The following NPAS3 variants were observed in gnomAD, a reference collection of about 807,000 sequenced individuals.
The protein encoded by NPAS3 is neuronal PAS domain protein 3.
In NPAS3, 14 loss-of-function variants were observed where a neutral mutation model predicts 73.1. The ratio of observed to expected loss-of-function variants is 0.19; its 90% CI spans 0.13 to 0.30. The LOEUF (loss-of-function observed/expected upper bound fraction) is 0.30, where lower values mean the gene tolerates loss of function less well. Ranked by LOEUF, NPAS3 falls within the 10% of genes least tolerant of loss-of-function variation. The pLI is 1.00. For missense variants in NPAS3, 1,096 were observed against 1,250.0 expected (o/e 0.88, Z 1.86); for synonymous variants, 620 against 541.5 (o/e 1.14, Z -2.01).
At chr14:33,592,828 C>T (rs1413408062) in intron 5 of NPAS3, among the ~76,000 whole-genome samples, 1 of 152,118 alleles carries the variant, frequency 6.6e-6, no homozygotes, top group African/African-American at 2.4e-5. Flanking sequence ...CTGTCTCAAA[C>T]CTCCGTGTTT....
chr14:33,430,484 G>A (rs974554444), intron 4 of NPAS3, among the ~76,000 whole-genome samples: 3 of 152,118 alleles, frequency 2.0e-5, no homozygotes, highest in African/African-American at 7.2e-5. Flanking sequence ...CAGAGTACAT[G>A]TTATGGCTCG....
At chr14:33,211,086 A>G (rs2047016647) in intron 2 of NPAS3, among the ~76,000 whole-genome samples, 1 of 152,202 alleles carries the variant, frequency 6.6e-6, no homozygotes, top group Non-Finnish European at 1.5e-5. Context: ...GTCAGGCACC[A>G]TTGTAAAGAT....
chr14:33,580,538 G>C (rs2056622364), intron 5 of NPAS3, among the ~76,000 whole-genome samples: 1 of 152,132 alleles, frequency 6.6e-6, no homozygotes, highest in East Asian at 1.9e-4. Flanking sequence ...TACCCAGCCT[G>C]CAGAGGCAGA....
intron 4 of NPAS3, among the ~76,000 whole-genome samples, chr14:33,473,092 AAG>A (rs2050860639): frequency 1.3e-5 from 2 of 152,140 alleles, no homozygotes; most frequent in African/African-American, 4.8e-5. Flanking sequence ...CGCAGAGTAA[AAG>A]AGAGATTTTG....
At chr14:33,709,298 A>T (rs1377965370) in intron 6 of NPAS3, among the ~76,000 whole-genome samples, 1 of 152,214 alleles carries the variant, frequency 6.6e-6, no homozygotes, top group African/African-American at 2.4e-5. Context: ...AGCTTCTTAT[A>T]AATTTTAGCT....
chr14:33,457,167 C>T (rs1007165559), intron 4 of NPAS3, among the ~76,000 whole-genome samples: 1 of 152,214 alleles, frequency 6.6e-6, no homozygotes, highest in African/African-American at 2.4e-5. Flanking sequence ...CCAGTTGTGT[C>T]ATTCTCTCTC....
chr14:33,413,062 A>C (rs1266974194), intron 4 of NPAS3, among the ~76,000 whole-genome samples: 1 of 152,186 alleles, frequency 6.6e-6, no homozygotes, highest in Non-Finnish European at 1.5e-5. Context: ...TACCAGTATG[A>C]AAGCTTGCCA....
At chr14:33,123,132 T>C (rs2043293951) in intron 2 of NPAS3, among the ~76,000 whole-genome samples, 1 of 152,080 alleles carries the variant, frequency 6.6e-6, no homozygotes, top group African/African-American at 2.4e-5. Flanking sequence ...AATTAAATAA[T>C]AGTATTTTAT....
At chr14:32,982,488 T>C (rs1399250620) in intron 1 of NPAS3, among the ~76,000 whole-genome samples, 1 of 152,086 alleles carries the variant, frequency 6.6e-6, no homozygotes, top group Non-Finnish European at 1.5e-5. Context: ...GGCAGGAGGA[T>C]TGCTTGAGCC....
intron 4 of NPAS3, among the ~76,000 whole-genome samples, chr14:33,539,837 G>A (rs1490140246): frequency 1.3e-5 from 2 of 151,860 alleles, no homozygotes; most frequent in African/African-American, 4.8e-5. Flanking sequence ...CTGTTTGGGG[G>A]GTTTGTCTTT....
chr14:33,079,019 C>A (rs2041768626), intron 2 of NPAS3, among the ~76,000 whole-genome samples: 1 of 152,170 alleles, frequency 6.6e-6, no homozygotes, highest in Admixed American at 6.5e-5. Flanking sequence ...TGCTGTTTTG[C>A]TGGTAATAGT....
At chr14:33,224,749 C>A (rs887705414) in intron 3 of NPAS3, among the ~76,000 whole-genome samples, 2 of 152,060 alleles carry the variant, frequency 1.3e-5, no homozygotes, top group Non-Finnish European at 2.9e-5. Context: ...TCATGTTAGA[C>A]CCTGGCCCAT....
chr14:33,670,112 T>G (rs1410531779), intron 5 of NPAS3, among the ~76,000 whole-genome samples: 1 of 152,160 alleles, frequency 6.6e-6, no homozygotes, highest in African/African-American at 2.4e-5. Context: ...TAGAAAAATG[T>G]ACGTACAACA....
intron 3 of NPAS3, among the ~76,000 whole-genome samples, chr14:33,220,570 G>A (rs1398862700): frequency 6.6e-6 from 1 of 152,030 alleles, no homozygotes; most frequent in Non-Finnish European, 1.5e-5. Context: ...TTATATCACC[G>A]CATTTCCCAA....
intron 5 of NPAS3, among the ~76,000 whole-genome samples, chr14:33,633,378 C>T (rs948862374): frequency 1.3e-5 from 2 of 152,120 alleles, no homozygotes; most frequent in Non-Finnish European, 2.9e-5. Context: ...CCAGGATCAT[C>T]CATAGAGAAA....
chr14:33,298,755 A>G (rs4982068), intron 3 of NPAS3, among the ~76,000 whole-genome samples: 63,419 of 151,948 alleles, frequency 0.42, 13,533 homozygotes, highest in African/African-American at 0.51. Context: ...GATATTTGAC[A>G]TTCTTTTCCA....
intron 3 of NPAS3, among the ~76,000 whole-genome samples, chr14:33,297,820 C>G (rs756219783): frequency 6.6e-6 from 1 of 152,148 alleles, no homozygotes; most frequent in Non-Finnish European, 1.5e-5. Flanking sequence ...GCTGCCACCG[C>G]GTGAGAAATG....
At chr14:33,278,975 G>A (rs1165282595) in intron 3 of NPAS3, among the ~76,000 whole-genome samples, 3 of 119,048 alleles carry the variant, frequency 2.5e-5, no homozygotes, top group African/African-American at 1.2e-4. Context: ...TCAAACCCAC[G>A]AAATAACTAT....
intron 1 of NPAS3, among the ~76,000 whole-genome samples, chr14:32,987,244 T>TTTC (rs1319777617): frequency 1.3e-5 from 2 of 151,534 alleles, no homozygotes; most frequent in Non-Finnish European, 2.9e-5. Context: ...TTTTTTTTTT[T>TTTC]AGTGAATTGG....
Sources: allele counts gnomAD v4.1 joint callset (sites outside exome capture counted in the v4.1 genomes callset), GRCh38; gene constraint gnomAD v4.1.1; transcripts MANE v1.5; gene names NCBI Gene and HGNC (gene_info 2026-07-23, HGNC 2026-07-21).